The following CERS6 variants were observed in gnomAD, a reference collection of about 807,000 sequenced individuals.
CERS6 encodes the protein LAG1 homolog, ceramide synthase 6.
In CERS6, 26 loss-of-function variants were observed where a neutral mutation model predicts 56.8. The ratio of observed to expected loss-of-function variants is 0.46; its 90% CI spans 0.34 to 0.63. CERS6 has a LOEUF of 0.63. Ranked by LOEUF, CERS6 falls within the 30% of genes least tolerant of loss-of-function variation. The pLI is 0.01. For synonymous variants in CERS6, 164 were observed against 173.3 expected (o/e 0.95, Z 0.42); for missense variants, 415 against 467.5 (o/e 0.89, Z 1.04).
intron 3 of CERS6, among the ~76,000 whole-genome samples, chr2:168,605,012 A>G (rs932530404): frequency 2.6e-5 from 4 of 152,150 alleles, no homozygotes; most frequent in African/African-American, 9.7e-5. Flanking sequence ...AGCCCTCCAG[A>G]CTGTTCCAAT....
At chr2:168,647,079 A>G (rs2390726) in intron 4 of CERS6, among the ~76,000 whole-genome samples, 55,030 of 152,066 alleles carry the variant, frequency 0.36, 13,288 homozygotes, top group African/African-American at 0.68. Context: ...AATGTCATTG[A>G]TAGTTTGATA....
At chr2:168,734,519 C>T (rs1683654123) in intron 8 of CERS6, among the ~76,000 whole-genome samples, 1 of 152,168 alleles carries the variant, frequency 6.6e-6, no homozygotes, top group East Asian at 1.9e-4. Flanking sequence ...ACCTGATGAA[C>T]GAATCCATCA....
intron 4 of CERS6, among the ~76,000 whole-genome samples, chr2:168,643,938 C>T (rs1284133355): frequency 6.6e-6 from 1 of 152,184 alleles, no homozygotes; most frequent in African/African-American, 2.4e-5. Context: ...TGCCATTATT[C>T]AGCCTACCAT....
intron 1 of CERS6, among the ~76,000 whole-genome samples, chr2:168,513,491 T>C (rs1319813837): frequency 6.6e-6 from 1 of 152,178 alleles, no homozygotes; most frequent in African/African-American, 2.4e-5. Context: ...TCTGGTCAGG[T>C]ATTTTGTAGA....
intron 3 of CERS6, among the ~76,000 whole-genome samples, chr2:168,580,477 T>C (rs1043612586): frequency 6.6e-6 from 1 of 152,194 alleles, no homozygotes; most frequent in African/African-American, 2.4e-5. Context: ...AGTATTTTAT[T>C]TCCATGTTCC....
At chr2:168,562,571 G>A (rs559710267) in intron 3 of CERS6, among the ~76,000 whole-genome samples, 40 of 152,306 alleles carry the variant, frequency 2.6e-4, no homozygotes, top group African/African-American at 6.3e-4. Flanking sequence ...GGACATGCAC[G>A]TAAGCCAGAT....
At chr2:168,560,370 G>C (rs1486414879) in intron 2 of CERS6, among the ~76,000 whole-genome samples, 3 of 152,162 alleles carry the variant, frequency 2.0e-5, no homozygotes, top group Non-Finnish European at 2.9e-5. Flanking sequence ...TGTACATACA[G>C]TTTCACATTT....
At chr2:168,559,741 A>T (rs1225475462) in intron 2 of CERS6, among the ~76,000 whole-genome samples, 1 of 118,106 alleles carries the variant, frequency 8.5e-6, no homozygotes, top group African/African-American at 2.9e-5. Context: ...TATCATATAT[A>T]TATATATATA....
intron 4 of CERS6, among the ~76,000 whole-genome samples, chr2:168,636,771 G>A (rs1004421968): frequency 2.0e-5 from 3 of 151,736 alleles, no homozygotes; most frequent in African/African-American, 4.8e-5. Context: ...GATTCTCCTC[G>A]TCCCTTTCAT....
At chr2:168,716,619 T>A (rs1687232714) in intron 7 of CERS6, among the ~76,000 whole-genome samples, 1 of 152,212 alleles carries the variant, frequency 6.6e-6, no homozygotes, top group South Asian at 2.1e-4. Context: ...TGTTATCTTA[T>A]GGCCTAGACG....
chr2:168,708,054 CTTTG>C (rs1687001967), intron 6 of CERS6, among the ~76,000 whole-genome samples: 1 of 152,040 alleles, frequency 6.6e-6, no homozygotes, highest in African/African-American at 2.4e-5. Context: ...TTTTGGTTTT[CTTTG>C]TTTAAGAGGT....
At chr2:168,721,642 G>A (rs1263528625) in intron 8 of CERS6, among the ~76,000 whole-genome samples, 2 of 146,762 alleles carry the variant, frequency 1.4e-5, no homozygotes, top group South Asian at 2.2e-4. Flanking sequence ...AAAAACCAAC[G>A]GGGTCTTGCT....
chr2:168,653,395 A>T (rs1685393431), intron 4 of CERS6, among the ~76,000 whole-genome samples: 1 of 152,222 alleles, frequency 6.6e-6, no homozygotes, highest in Admixed American at 6.5e-5. Context: ...TCAGGGAACT[A>T]TTCATAAAAC....
At chr2:168,666,266 C>A (rs569661035) in intron 4 of CERS6, among the ~76,000 whole-genome samples, 1 of 152,284 alleles carries the variant, frequency 6.6e-6, no homozygotes, top group East Asian at 1.9e-4. Flanking sequence ...ATTACACTGT[C>A]ATGGAGAGTA....
intron 4 of CERS6, among the ~76,000 whole-genome samples, chr2:168,648,465 A>G (rs1406153626): frequency 6.6e-6 from 1 of 152,028 alleles, no homozygotes; most frequent in East Asian, 1.9e-4. Flanking sequence ...ATTTTTTCCA[A>G]AGAACCAACT....
At chr2:168,749,704 G>A (rs1684204991) in intron 8 of CERS6, among the ~76,000 whole-genome samples, 1 of 54,280 alleles carries the variant, frequency 1.8e-5, no homozygotes, top group South Asian at 4.6e-4. Context: ...CCTCGACTTA[G>A]GAGAGTTGGC....
At chr2:168,513,833 T>C (rs1253021141) in intron 1 of CERS6, among the ~76,000 whole-genome samples, 1 of 152,160 alleles carries the variant, frequency 6.6e-6, no homozygotes. Flanking sequence ...CTGAGGCTGT[T>C]GGAACTGGTT....
intron 8 of CERS6, among the ~76,000 whole-genome samples, chr2:168,756,393 C>A (rs1684416726): frequency 2.0e-5 from 3 of 152,180 alleles, no homozygotes; most frequent in African/African-American, 7.2e-5. Flanking sequence ...TTAAAAAGAT[C>A]TTTGGTTTTG....
intron 3 of CERS6, among the ~76,000 whole-genome samples, chr2:168,616,856 T>C (rs1251923458): frequency 1.3e-5 from 2 of 152,100 alleles, no homozygotes; most frequent in Non-Finnish European, 2.9e-5. Context: ...AGAAACAATG[T>C]ATTTTTACTA....
Sources: allele counts gnomAD v4.1 joint callset (sites outside exome capture counted in the v4.1 genomes callset), GRCh38; gene constraint gnomAD v4.1.1; transcripts MANE v1.5; gene names NCBI Gene and HGNC (gene_info 2026-07-23, HGNC 2026-07-21).